The following C15orf39 variants were observed in gnomAD, a reference collection of about 807,000 sequenced individuals.
The protein encoded by C15orf39 is uncharacterized protein C15orf39.
Under a neutral mutation model 53.9 loss-of-function variants are expected in C15orf39, and 24 were observed. The ratio of observed to expected loss-of-function variants is 0.45; its 90% CI spans 0.32 to 0.63. The LOEUF (loss-of-function observed/expected upper bound fraction) is 0.63, where lower values mean the gene tolerates loss of function less well. Among genes scored for constraint, C15orf39 ranks in the 20% least tolerant of loss-of-function variants. The pLI is 0.04. For synonymous variants in C15orf39, 569 were observed against 576.5 expected (o/e 0.99, Z 0.19); for missense variants, 1,271 against 1,347.9 (o/e 0.94, Z 0.89).
chr15:75,207,927 G>C lies in C15orf39; in HGVS notation c.1879G>C (p.Gly627Arg), dbSNP rs2070453042. ...GLKKIDTEAP[G>R]LPGVPVTTDA... is the part of the protein sequence containing the mutation. Reference sequence around the variant, plus strand: ...GAAAAAGATAGACACAGAAGCACCAGGCTTGCCTGGGGTGCCAGTGACCAC... The same window carrying C: ...GAAAAAGATAGACACAGAAGCACCACGCTTGCCTGGGGTGCCAGTGACCAC... The change falls in exon 2 of 3, where the codon GGC (glycine) becomes CGC (arginine). Residue 627 changes from glycine to arginine, a missense_variant. Gly to Arg is a moderately radical substitution (Grantham distance 125). Coordinates refer to ENST00000394987, the MANE Select transcript of C15orf39 (RefSeq NM_015492.5). 1 of 1,613,786 alleles carries C rather than the reference G, an allele frequency of 6.2e-7. No homozygotes were observed. The highest frequency in any genetic ancestry group is 2.2e-5 in the East Asian group (1 of 44,882).
rs1351083074 is a variant in C15orf39 at position 75,211,206 on chromosome 15, G to C, written c.*90G>C. On this transcript the variant is annotated 3_prime_UTR_variant, in exon 3 of 3. Coordinates refer to ENST00000394987, the MANE Select transcript of C15orf39 (RefSeq NM_015492.5). The stretch of plus-strand genomic sequence containing the variant: ...GCCCCGGGGCCACGAGTGGATGCTG[G>C]GGCTGTGGCTGCTCCCCTGGAGGGG... 1 of 1,490,318 alleles carries C rather than the reference G, an allele frequency of 6.7e-7. No individual in the cohort carries two copies. 92.3% of individuals were successfully genotyped at this position (1,490,318 alleles called of 1,614,324 possible).
At chr15:75,210,416 G>A (rs2070474891) in intron 2 of C15orf39, among the ~76,000 whole-genome samples, 1 of 152,190 alleles carries the variant, frequency 6.6e-6, no homozygotes, top group Non-Finnish European at 1.5e-5. Context: ...ATATATGGCA[G>A]GGTCCTCTGT....
At position 75,207,688 on chromosome 15, in the gene C15orf39, GCTGCAGGGGGA is replaced by G; in HGVS notation, c.1642_1652del (p.Cys548ProfsTer11). Reference sequence around the variant, plus strand: ...GCCACCAGTGAAGGTCAGGACAAAGGCTGCAGGGGGACCCTGCCTGCCCAGGAGGGCCCCTC... The same window carrying G: ...GCCACCAGTGAAGGTCAGGACAAAGGCCCTGCCTGCCCAGGAGGGCCCCTC... On this transcript the variant is annotated frameshift_variant, in exon 2 of 3. Coordinates refer to ENST00000394987, the MANE Select transcript of C15orf39 (RefSeq NM_015492.5). LOFTEE classifies it high-confidence loss of function. The G allele has an allele frequency of 6.2e-7, 1 of 1,606,660 alleles. No individual in the cohort carries two copies. Among genetic ancestry groups the G allele is most frequent in the Non-Finnish European group, 8.5e-7 (1 of 1,175,614 alleles).
At chr15:75,205,045 C>CT (rs1169755365) in intron 1 of C15orf39, among the ~76,000 whole-genome samples, 1 of 152,176 alleles carries the variant, frequency 6.6e-6, no homozygotes, top group Admixed American at 6.5e-5. Context: ...GTTACCTCTC[C>CT]TAGGGGACTG....
chr15:75,208,971 C>T, intron 2 of C15orf39, 147 bp downstream of exon 2: 1 of 1,347,796 alleles, frequency 7.4e-7, no homozygotes, highest in Non-Finnish European at 9.8e-7. Context: ...CTAGGTACCC[C>T]CACCCCTTGA....
rs74833435 is a variant in C15orf39 at position 75,210,334 on chromosome 15, C to T, written c.2777-415C>T. On this transcript the variant is annotated intron_variant, in intron 2 of 2. Transcript: ENST00000394987. ...CCCCAGCATGGCTCTTAGGACAGTC[C>T]CTACCTGGGCTCGGCCTCGGGCTTG... is the stretch of plus-strand genomic sequence containing the variant. Among the ~76,000 whole-genome samples, 47 of 152,286 alleles carry T rather than the reference C, an allele frequency of 3.1e-4. No individual in the cohort carries two copies. In the East Asian group the frequency reaches 7.5e-3, roughly 24 times the overall value.
chr15:75,206,918 C>A lies in C15orf39; in HGVS notation c.870C>A (p.Arg290=), dbSNP rs201183267. ...CCCTGCCTTGCCCTCCAGCCTGTCG[C>A]CACCCAGAGAAGCAGGGCAGCTACA... is the stretch of plus-strand genomic sequence containing the variant. ...PQALPCPPAC[R]HPEKQGSYSP... Residue 290 remains arginine (R), a synonymous_variant, in exon 2 of 3, where the codon CGC becomes CGA. Transcript: ENST00000394987. 1.3e-6 allele frequency: 2 copies of A among 1,522,122 alleles called. No individual in the cohort carries two copies. The highest frequency in any genetic ancestry group is 1.4e-5 in the African/African-American group (1 of 71,510). The allele number at this position is 1,522,122 out of a possible 1,614,324, so 94.3% of individuals were successfully genotyped here.
intron 2 of C15orf39, chr15:75,209,383 A>G (rs1430602947): frequency 1.3e-5 from 2 of 153,788 alleles, no homozygotes; most frequent in African/African-American, 4.8e-5. Context: ...AAAGCTCCTC[A>G]TGCTCTAGAC....
upstream of C15orf39, among the ~76,000 whole-genome samples, chr15:75,201,672 CG>C (rs2070401628): frequency 6.6e-6 from 1 of 152,218 alleles, no homozygotes; most frequent in Non-Finnish European, 1.5e-5. The surrounding 1 kb of genome is among the most constrained non-coding windows in gnomAD (Gnocchi z 4.7). Flanking sequence ...GGGCGCGTGA[CG>C]GGCCCGCCGG....
chr15:75,206,428 T>A lies in C15orf39; in HGVS notation c.380T>A (p.Leu127Gln). The change falls in exon 2 of 3, where the codon CTG (leucine) becomes CAG (glutamine). Residue 127 changes from leucine (L) to glutamine (Q), a missense_variant. By Grantham distance (113) the Leu-to-Gln change is moderately radical. Around this residue, in one of 2 missense-constraint regions of C15orf39, gnomAD observed 994 missense variants for 993.7 expected, o/e 1.00. Transcript: ENST00000394987. ...GCTCACTCCTACCCAGGCCCACCACTGGCAGCACCCAAACCTGTCTACCGC... is the reference window on the plus strand; with the variant it reads ...GCTCACTCCTACCCAGGCCCACCACAGGCAGCACCCAAACCTGTCTACCGC... Reference protein sequence around the residue: ...PQAHSYPGPPLAAPKPVYRNP... With the variant: ...PQAHSYPGPPQAAPKPVYRNP... The A allele has an allele frequency of 6.2e-7, 1 of 1,613,948 alleles. No individual in the cohort carries two copies. The highest frequency in any genetic ancestry group is 8.5e-7 in the Non-Finnish European group (1 of 1,179,922).
intron 1 of C15orf39, among the ~76,000 whole-genome samples, chr15:75,204,538 ACT>A (rs571157241): frequency 6.7e-6 from 1 of 149,624 alleles, no homozygotes. Flanking sequence ...GTGGAGTCTC[ACT>A]CTGCTGCCCA....
At chr15:75,202,647 C>T (rs1400162921) in intron 1 of C15orf39, among the ~76,000 whole-genome samples, 2 of 152,234 alleles carry the variant, frequency 1.3e-5, no homozygotes, top group African/African-American at 2.4e-5. Context: ...GACCTCCCGC[C>T]GGTCCGCGGG....
Position 75,206,081 on chromosome 15 carries a change from G to A in C15orf39, c.33G>A (p.Gly11=), listed in dbSNP as rs771661306. 8.1e-6 allele frequency: 13 copies of A among 1,611,852 alleles called. No homozygotes were observed. The highest frequency in any genetic ancestry group is 1.1e-5 in the South Asian group (1 of 90,644). ...AGAAGCGACCCCTGAGAACCCTGGGGCCTGTGATGTATGGCAAGCTGCCCC... is the reference window on the plus strand; with the variant it reads ...AGAAGCGACCCCTGAGAACCCTGGGACCTGTGATGTATGGCAAGCTGCCCC... MAEKRPLRTL[G]PVMYGKLPRL... The change falls in exon 2 of 3, where the codon GGG becomes GGA. Residue 11 remains glycine (G), a synonymous_variant. Transcript: ENST00000394987.
chr15:75,207,708 G>GT lies in C15orf39; in HGVS notation c.1660_1661insT (p.Ala554ValfsTer9). ...CAAAGGCTGCAGGGGGACCCTGCCT[G>GT]CCCAGGAGGGCCCCTCAGGGAGTAA... On this transcript the variant is annotated frameshift_variant, in exon 2 of 3. Transcript: ENST00000394987. LOFTEE classifies it high-confidence loss of function. The GT allele has an allele frequency of 6.2e-7, 1 of 1,601,750 alleles. No individual in the cohort carries two copies. Among genetic ancestry groups the GT allele is most frequent in the Non-Finnish European group, 8.5e-7 (1 of 1,173,104 alleles).
chr15:75,210,359 G>A (rs569966410), intron 2 of C15orf39, among the ~76,000 whole-genome samples: 17 of 152,316 alleles, frequency 1.1e-4, no homozygotes, highest in South Asian at 2.1e-4. Context: ...CCTCGGGCTT[G>A]GGCTTGGTCT....
At chr15:75,210,361 G>T (rs2070474577) in intron 2 of C15orf39, among the ~76,000 whole-genome samples, 1 of 152,198 alleles carries the variant, frequency 6.6e-6, no homozygotes, top group African/African-American at 2.4e-5. Flanking sequence ...TCGGGCTTGG[G>T]CTTGGTCTCT....
chr15:75,208,175 C>G lies in C15orf39; in HGVS notation c.2127C>G (p.Pro709=). 6.2e-7 allele frequency: 1 copy of G among 1,613,624 alleles called. No individual in the cohort carries two copies. The highest frequency in any genetic ancestry group is 8.5e-7 in the Non-Finnish European group (1 of 1,180,018). ...TGACCTGCTTCAGCCTGGCACTGCC[C>G]AGCCCTCCAGCCGTAGCTGTGGCCT... ...LSVTCFSLAL[P]SPPAVAVASP... The change falls in exon 2 of 3, where the codon CCC becomes CCG. Residue 709 remains proline (P), a synonymous_variant. Transcript: ENST00000394987.
chr15:75,203,712 G>T (rs2070420154), intron 1 of C15orf39, among the ~76,000 whole-genome samples: 1 of 152,174 alleles, frequency 6.6e-6, no homozygotes, highest in African/African-American at 2.4e-5. Flanking sequence ...TGGGGTGGGG[G>T]TGGGGACCCA....
rs978869574 is a variant in C15orf39, at chr15:75,211,274, G to A, written c.*158G>A. On this transcript the variant is annotated 3_prime_UTR_variant, in exon 3 of 3. Transcript: ENST00000394987. ...TGGCCCATTCAGGGTGGGCTGAAGAGCCCCTGAGCTTTTAACGTGAGGGTC... is the reference window on the plus strand; with the variant it reads ...TGGCCCATTCAGGGTGGGCTGAAGAACCCCTGAGCTTTTAACGTGAGGGTC... The A allele has an allele frequency of 1.0e-6, 1 of 976,874 alleles. No individual in the cohort carries two copies. The highest frequency in any genetic ancestry group is 2.9e-5 in the Admixed American group (1 of 34,516). The allele number at this position is 976,874 out of a possible 1,614,324, so 60.5% of individuals were successfully genotyped here. A position where few individuals can be genotyped will look rare whatever the true frequency, so the allele number is the denominator to read the frequency against.
Sources: gnomAD v4.1 joint callset for allele counts (sites outside exome capture counted in the v4.1 genomes callset) on GRCh38, gnomAD v4.1.1 for gene constraint, gnomAD v4.1.1 regional missense constraint, Gnocchi (gnomAD v3.1) non-coding constraint, MANE v1.5 for transcripts, NCBI Gene and HGNC (gene_info 2026-07-23, HGNC 2026-07-21) for gene names.